Variants in AUTS2 observed in about 807,000 individuals in gnomAD.
AUTS2 encodes autism susceptibility gene 2 protein.
A neutral mutation model predicts 112.4 loss-of-function variants in AUTS2; 17 were observed. That is an observed-to-expected ratio of 0.15 (90% CI 0.10 to 0.23). The LOEUF is 0.23. Ranked by LOEUF, AUTS2 falls within the 10% of genes least tolerant of loss-of-function variation. AUTS2 has a pLI of 1.00. For synonymous variants in AUTS2, 751 were observed against 702.7 expected (o/e 1.07, Z -1.09); for missense variants, 1,510 against 1,701.6 (o/e 0.89, Z 1.98).
At chr7:70,370,676 A>G (rs1792799207) in intron 4 of AUTS2, among the ~76,000 whole-genome samples, 1 of 152,114 alleles carries the variant, frequency 6.6e-6, no homozygotes, top group Admixed American at 6.5e-5. Flanking sequence ...ATATGTTTTC[A>G]TTTCTCTTAG....
chr7:70,275,723 A>C (rs1382684659), intron 4 of AUTS2, among the ~76,000 whole-genome samples: 1 of 152,142 alleles, frequency 6.6e-6, no homozygotes, highest in Non-Finnish European at 1.5e-5. Flanking sequence ...TGTGATAGTG[A>C]GTACTCACAA....
chr7:70,623,430 A>G (rs796932191), intron 5 of AUTS2, among the ~76,000 whole-genome samples: 4 of 152,290 alleles, frequency 2.6e-5, no homozygotes, highest in South Asian at 2.1e-4. Context: ...GCTGTGTCCA[A>G]TACAGTAGCC....
chr7:69,894,513 T>C (rs920316516), intron 1 of AUTS2, among the ~76,000 whole-genome samples: 1 of 152,090 alleles, frequency 6.6e-6, no homozygotes, highest in Admixed American at 6.6e-5. Context: ...ATTTAGTAGG[T>C]TGAACAGAGT....
chr7:70,156,183 C>T (rs767877276), intron 4 of AUTS2, among the ~76,000 whole-genome samples: 26 of 152,178 alleles, frequency 1.7e-4, no homozygotes, highest in Non-Finnish European at 3.2e-4. Flanking sequence ...CTTCTTGGCT[C>T]CTCTTCCCCT....
At chr7:69,858,981 G>C (rs1460539992) in intron 1 of AUTS2, among the ~76,000 whole-genome samples, 2 of 152,202 alleles carry the variant, frequency 1.3e-5, no homozygotes, top group Non-Finnish European at 2.9e-5. Context: ...CAAGTGAATA[G>C]AAGTGAATAG....
chr7:70,558,719 A>T (rs906969864), intron 5 of AUTS2, among the ~76,000 whole-genome samples: 2 of 152,230 alleles, frequency 1.3e-5, no homozygotes, highest in African/African-American at 2.4e-5. Context: ...AAAAATAGTT[A>T]AAAGTTTATT....
At chr7:70,586,077 G>T (rs1802674509) in intron 5 of AUTS2, among the ~76,000 whole-genome samples, 1 of 151,976 alleles carries the variant, frequency 6.6e-6, no homozygotes, top group African/African-American at 2.4e-5. Flanking sequence ...TGGCCAGGCT[G>T]GTCTCGAACT....
chr7:69,931,914 T>G (rs1267141118), intron 2 of AUTS2, among the ~76,000 whole-genome samples: 1 of 152,242 alleles, frequency 6.6e-6, no homozygotes, highest in African/African-American at 2.4e-5. Flanking sequence ...TGACTCTTTT[T>G]AATTAATTGT....
At chr7:70,262,343 C>T (rs977804454) in intron 4 of AUTS2, among the ~76,000 whole-genome samples, 20 of 152,082 alleles carry the variant, frequency 1.3e-4, no homozygotes, top group African/African-American at 4.8e-5. Context: ...GCACCTGCCA[C>T]CACACCCAAC....
At chr7:69,724,419 T>G (rs622767) in intron 1 of AUTS2, among the ~76,000 whole-genome samples, 108,505 of 152,042 alleles carry the variant, frequency 0.71, 38,768 homozygotes, top group East Asian at 0.79. Context: ...CATTGGACTT[T>G]TTAGGGAGTT....
intron 5 of AUTS2, among the ~76,000 whole-genome samples, chr7:70,496,863 A>C (rs1460293504): frequency 1.4e-4 from 17 of 117,602 alleles, no homozygotes; most frequent in Middle Eastern, 6.5e-3. Flanking sequence ...ACACACACAC[A>C]CCCCACACAC....
intron 5 of AUTS2, among the ~76,000 whole-genome samples, chr7:70,637,538 G>A (rs1469241433): frequency 6.6e-6 from 1 of 152,270 alleles, no homozygotes; most frequent in Non-Finnish European, 1.5e-5. Context: ...CAGATAACAG[G>A]TGTTCATTTT....
rs139744247 is a variant in AUTS2 at position 70,410,845 on chromosome 7, A to G, written c.661-24907A>G. The stretch of plus-strand genomic sequence containing the variant: ...ACTAAGGAAATAAATTATTATTATT[A>G]TTATTGTTATTATTATTATTATTAT... On this transcript the variant is annotated intron_variant, in intron 4 of 18. Coordinates refer to ENST00000342771, the MANE Select transcript of AUTS2 (RefSeq NM_015570.4). 7.3e-3 allele frequency among the ~76,000 whole-genome samples: 1,085 copies of G among 149,334 alleles called. 12 individuals are homozygous for G. Among genetic ancestry groups the G allele is most frequent in the African/African-American group, 0.026 (1,042 of 40,712 alleles).
At chr7:69,872,834 CTTTTTTTTTT>C (rs1164356683) in intron 1 of AUTS2, among the ~76,000 whole-genome samples, 3 of 70,406 alleles carry the variant, frequency 4.3e-5, no homozygotes, top group East Asian at 4.4e-4. Context: ...AGCCTATATT[CTTTTTTTTTT>C]TTTTTTTTTT....
chr7:70,551,784 T>C (rs1048072895), intron 5 of AUTS2, among the ~76,000 whole-genome samples: 2 of 152,200 alleles, frequency 1.3e-5, no homozygotes, highest in Admixed American at 1.3e-4. Context: ...GATTTAGTAA[T>C]AGGGGACACT....
In AUTS2 at chr7:70,631,542, C is replaced by T. The variant is rs1328483141; in HGVS notation, c.691-67027C>T. ...AACCTAGAATGTGGGCTGGAGAGCG[C>T]TGTCCCAGTGGTGGCCCCGAGGCCA... is the stretch of plus-strand genomic sequence containing the variant. On this transcript the variant is annotated intron_variant, in intron 5 of 18. Transcript: ENST00000342771. The surrounding 1 kb of genome is among the most constrained non-coding windows in gnomAD (Gnocchi z 4.5). Among the ~76,000 whole-genome samples the T allele has an allele frequency of 6.6e-6, 1 of 152,148 alleles. No individual in the cohort carries two copies. The highest frequency in any genetic ancestry group is 1.5e-5 in the Non-Finnish European group (1 of 68,020).
intron 2 of AUTS2, among the ~76,000 whole-genome samples, chr7:70,060,716 G>A (rs974786011): frequency 2.0e-5 from 3 of 152,194 alleles, no homozygotes; most frequent in Non-Finnish European, 4.4e-5. Flanking sequence ...CTTCCGGCAT[G>A]GAAGGTGTCT....
chr7:69,617,117 G>A (rs1302398110), intron 1 of AUTS2, among the ~76,000 whole-genome samples: 1 of 152,158 alleles, frequency 6.6e-6, no homozygotes, highest in Non-Finnish European at 1.5e-5. Context: ...GCAGGGTAAA[G>A]CAAGAGTGAG....
chr7:70,786,136 C>T, intron 17 of AUTS2, 98 bp downstream of exon 17: 1 of 1,026,558 alleles, frequency 9.7e-7, no homozygotes, highest in Non-Finnish European at 1.5e-6. Flanking sequence ...AAACTATGCT[C>T]TGGGGGGACC....
Sources: gnomAD v4.1 joint callset for allele counts (sites outside exome capture counted in the v4.1 genomes callset) on GRCh38, gnomAD v4.1.1 for gene constraint, Gnocchi (gnomAD v3.1) non-coding constraint, MANE v1.5 for transcripts, NCBI Gene and HGNC (gene_info 2026-07-23, HGNC 2026-07-21) for gene names.